The following SAMD12 variants were observed in gnomAD, a reference collection of about 807,000 sequenced individuals.
SAMD12 encodes the protein sterile alpha motif domain containing 12.
SAMD12 carries 9 observed loss-of-function variants against 15.0 expected under a neutral mutation model. The observed-to-expected ratio is 0.60, with a 90% confidence interval of 0.36 to 1.05. The LOEUF is 1.05. SAMD12 is among the 50% of genes least tolerant of loss of function. SAMD12 has a pLI of 0.01. For synonymous variants in SAMD12, 86 were observed against 90.1 expected, an observed-to-expected ratio of 0.96 and a Z score of 0.25; for missense variants, 230 against 234.2, an observed-to-expected ratio of 0.98 and a Z score of 0.12.
chr8:118,573,007 C>A (rs1327849199), intron 2 of SAMD12, among the ~76,000 whole-genome samples: 1 of 152,150 alleles, frequency 6.6e-6, no homozygotes, highest in African/African-American at 2.4e-5. Flanking sequence ...TTCTGGCATT[C>A]ATTCTCTCTC....
At chr8:118,294,029 A>G (rs1012187070) in intron 4 of SAMD12, among the ~76,000 whole-genome samples, 3 of 152,226 alleles carry the variant, frequency 2.0e-5, no homozygotes, top group Non-Finnish European at 4.4e-5. Flanking sequence ...GCTTAGCAGA[A>G]CTGGCTCCAA....
chr8:118,210,548 C>T (rs888791394), intron 4 of SAMD12, among the ~76,000 whole-genome samples: 1 of 152,186 alleles, frequency 6.6e-6, no homozygotes, highest in East Asian at 1.9e-4. Flanking sequence ...CAGAGCAGTG[C>T]AGCTTGGAGA....
chr8:118,434,234 TA>T (rs1241010334), intron 3 of SAMD12, among the ~76,000 whole-genome samples: 1 of 152,108 alleles, frequency 6.6e-6, no homozygotes, highest in African/African-American at 2.4e-5. Flanking sequence ...AGTTGCAGCA[TA>T]AAAAAACAGA....
chr8:118,325,548 T>C (rs970525734), intron 4 of SAMD12, among the ~76,000 whole-genome samples: 1 of 152,248 alleles, frequency 6.6e-6, no homozygotes, highest in African/African-American at 2.4e-5. Flanking sequence ...TTAGCATATC[T>C]ATCAACTCAC....
the SAMD12 span, among the ~76,000 whole-genome samples, chr8:118,134,294 G>T: frequency 6.6e-6 from 1 of 152,346 alleles, no homozygotes; most frequent in Middle Eastern, 3.4e-3. Flanking sequence ...CTGCTAATTA[G>T]CTCTCAACCC....
At chr8:118,576,742 T>C (rs1401879909) in intron 2 of SAMD12, among the ~76,000 whole-genome samples, 1 of 152,170 alleles carries the variant, frequency 6.6e-6, no homozygotes. Context: ...TTAGGAGCTG[T>C]GGCTTTGTCT....
the SAMD12 span, among the ~76,000 whole-genome samples, chr8:118,139,649 C>T: frequency 4.0e-4 from 61 of 152,176 alleles, no homozygotes; most frequent in African/African-American, 1.2e-3. Flanking sequence ...TGAGCCACTG[C>T]GCCAGGATTC....
intron 1 of SAMD12, among the ~76,000 whole-genome samples, chr8:118,595,773 A>G (rs1167146097): frequency 6.6e-6 from 1 of 152,176 alleles, no homozygotes; most frequent in Non-Finnish European, 1.5e-5. Flanking sequence ...TTTGACTATT[A>G]ATTATTTTAA....
chr8:118,488,045 G>C (rs1165902419), intron 2 of SAMD12, among the ~76,000 whole-genome samples: 1 of 151,980 alleles, frequency 6.6e-6, no homozygotes, highest in Non-Finnish European at 1.5e-5. Flanking sequence ...GTATGTGAAA[G>C]CAGGTCTCTG....
At chr8:118,300,230 A>T (rs186005420) in intron 4 of SAMD12, among the ~76,000 whole-genome samples, 16 of 152,276 alleles carry the variant, frequency 1.1e-4, no homozygotes, top group Admixed American at 2.6e-4. Context: ...CAGTCATCCC[A>T]CAGTGCTATA....
intron 4 of SAMD12, among the ~76,000 whole-genome samples, chr8:118,314,467 C>T (rs1027215644): frequency 6.6e-6 from 1 of 151,968 alleles, no homozygotes; most frequent in African/African-American, 2.4e-5. Context: ...ACATATGTGG[C>T]TTTGTGTAAC....
chr8:118,410,758 A>T lies in SAMD12; in HGVS notation c.322+29074T>A, dbSNP rs940248425. On this transcript the variant is annotated intron_variant, in intron 3 of 3. Transcript: ENST00000314727. Reference sequence around the variant, plus strand: ...AAGGTTCAGAAGAATCACTCAGCAGAGCCTATCTGAAGTTCCTTACTGATA... The same window carrying T: ...AAGGTTCAGAAGAATCACTCAGCAGTGCCTATCTGAAGTTCCTTACTGATA... Among the ~76,000 whole-genome samples, 10 of 152,334 alleles carry T rather than the reference A, an allele frequency of 6.6e-5. No individual in the cohort carries two copies. In the East Asian group the frequency reaches 1.9e-3, roughly 29 times the overall value.
In SAMD12 at chr8:118,533,226, G is replaced by C. The variant is rs368555161; in HGVS notation, c.192+47489C>G. On this transcript the variant is annotated intron_variant, in intron 2 of 3. Coordinates refer to ENST00000314727, the MANE Select transcript of SAMD12 (RefSeq NM_207506.3). ...AGTAGTCATTCAGGAGCAGGTTGTT[G>C]AGTTTCCATGTAGTTGAGCGGTTTT... Among the ~76,000 whole-genome samples, 442 of 152,198 alleles carry C rather than the reference G, an allele frequency of 2.9e-3. 1 individual carries two copies. Among genetic ancestry groups the C allele is most frequent in the Non-Finnish European group, 5.0e-3 (337 of 67,978 alleles).
At chr8:118,383,841 A>G (rs571913065) in intron 3 of SAMD12, among the ~76,000 whole-genome samples, 31 of 152,122 alleles carry the variant, frequency 2.0e-4, no homozygotes, top group African/African-American at 6.7e-4. Flanking sequence ...ACCTGCCACT[A>G]TTTGGGGTGC....
intron 2 of SAMD12, among the ~76,000 whole-genome samples, chr8:118,444,098 C>T (rs1822834799): frequency 6.6e-6 from 1 of 152,130 alleles, no homozygotes; most frequent in Non-Finnish European, 1.5e-5. Flanking sequence ...GTTTTTTCTT[C>T]CCGCAGTAGG....
chr8:118,154,746 C>A, the SAMD12 span, among the ~76,000 whole-genome samples: 4 of 151,926 alleles, frequency 2.6e-5, no homozygotes, highest in Admixed American at 6.6e-5. Flanking sequence ...AACATTTGTG[C>A]AATAGAAAAT....
intron 4 of SAMD12, among the ~76,000 whole-genome samples, chr8:118,270,531 T>C (rs745647543): frequency 5.9e-5 from 9 of 152,202 alleles, no homozygotes; most frequent in Non-Finnish European, 1.2e-4. Flanking sequence ...CAGGGTATGA[T>C]GGTCTTGAGT....
the SAMD12 span, among the ~76,000 whole-genome samples, chr8:118,151,115 G>T: frequency 6.6e-6 from 1 of 151,798 alleles, no homozygotes; most frequent in African/African-American, 2.4e-5. Context: ...CTGTTTTCTA[G>T]CTCACATTAT....
intron 4 of SAMD12, among the ~76,000 whole-genome samples, chr8:118,246,678 G>A (rs2129992727): frequency 6.6e-6 from 1 of 152,224 alleles, no homozygotes; most frequent in South Asian, 2.1e-4. Context: ...TATTTGGTAA[G>A]TGCTATGATA....
Sources: gnomAD v4.1 joint callset for allele counts (sites outside exome capture counted in the v4.1 genomes callset) on GRCh38, gnomAD v4.1.1 for gene constraint, MANE v1.5 for transcripts, NCBI Gene and HGNC (gene_info 2026-07-23, HGNC 2026-07-21) for gene names.